The following MORC3 variants were observed in gnomAD, a reference collection of about 807,000 sequenced individuals.
The protein encoded by MORC3 is MORC family CW-type zinc finger 3, also known as MORC family CW-type zinc finger protein 3.
In MORC3, 31 loss-of-function variants were observed where a neutral mutation model predicts 109.1. The ratio of observed to expected loss-of-function variants is 0.28; its 90% CI spans 0.21 to 0.38. The LOEUF is 0.38. MORC3 is among the 10% of genes least tolerant of loss of function. The probability of loss-of-function intolerance (pLI) is 1.00; values close to 1 mark genes in which losing one functional copy is unlikely to be tolerated. For synonymous variants in MORC3, 395 were observed against 380.7 expected, an observed-to-expected ratio of 1.04 and a Z score of -0.44; for missense variants, 867 against 1,135.8, an observed-to-expected ratio of 0.76 and a Z score of 3.40.
intron 2 of MORC3, 96 bp from the exon 3 acceptor site, chr21:36,336,778 A>G: frequency 8.0e-7 from 1 of 1,248,770 alleles, no homozygotes. Flanking sequence ...AGTTGTCTTA[A>G]AACATAGTCT....
intron 14 of MORC3, among the ~76,000 whole-genome samples, chr21:36,365,935 A>G (rs1025568677): frequency 2.0e-5 from 3 of 152,112 alleles, no homozygotes; most frequent in East Asian, 1.9e-4. Context: ...CTGGATTGCT[A>G]CTTTATTAAG....
At chr21:36,323,047 C>T (rs1279012248) in intron 1 of MORC3, among the ~76,000 whole-genome samples, 1 of 152,182 alleles carries the variant, frequency 6.6e-6, no homozygotes, top group Non-Finnish European at 1.5e-5. Flanking sequence ...TTTCTCTGTA[C>T]TGATCATCCA....
At chr21:36,358,598 TA>T (rs1276642850) in intron 10 of MORC3, among the ~76,000 whole-genome samples, 1 of 151,500 alleles carries the variant, frequency 6.6e-6, no homozygotes, top group Non-Finnish European at 1.5e-5. Context: ...CTTAAAAAAA[TA>T]AATAAATAAA....
chr21:36,354,341 T>C (rs1335864869), intron 9 of MORC3, among the ~76,000 whole-genome samples: 1 of 147,970 alleles, frequency 6.8e-6, no homozygotes, highest in African/African-American at 2.5e-5. Context: ...TTTTTTTTTT[T>C]GAGATGGAGT....
chr21:36,323,879 G>GT (rs533635032), intron 1 of MORC3, among the ~76,000 whole-genome samples: 4,077 of 143,664 alleles, frequency 0.028, 72 homozygotes, highest in Admixed American at 0.049. Flanking sequence ...TTACCATAGT[G>GT]TTTTTTTTTT....
chr21:36,320,918 T>C (rs2085186946), intron 1 of MORC3, among the ~76,000 whole-genome samples: 1 of 152,252 alleles, frequency 6.6e-6, no homozygotes, highest in Non-Finnish European at 1.5e-5. Flanking sequence ...TTGGAAACCC[T>C]GTGAACATTT....
chr21:36,333,763 T>A, intron 2 of MORC3, 45 bp downstream of exon 2: 2 of 1,400,654 alleles, frequency 1.4e-6, no homozygotes, highest in Non-Finnish European at 2.0e-6. Context: ...CTTACAATTG[T>A]AGTGTTTTTT....
intron 6 of MORC3, 121 bp from the exon 7 acceptor site, chr21:36,344,458 A>G (rs1166387876): frequency 1.7e-6 from 2 of 1,183,650 alleles, no homozygotes; most frequent in Non-Finnish European, 2.3e-6. Context: ...TTTATAGCCT[A>G]TTTTATTGAA....
chr21:36,363,613 AAAAC>A (rs2085744846), intron 13 of MORC3, among the ~76,000 whole-genome samples: 1 of 152,216 alleles, frequency 6.6e-6, no homozygotes, highest in Admixed American at 6.5e-5. Context: ...CTGAAAGTGA[AAAAC>A]AAAACAAAAA....
At chr21:36,346,855 A>G (rs1436367151) in intron 8 of MORC3, among the ~76,000 whole-genome samples, 1 of 151,726 alleles carries the variant, frequency 6.6e-6, no homozygotes, top group African/African-American at 2.4e-5. Context: ...AATAAAAACA[A>G]ATTAGCCAGG....
intron 10 of MORC3, among the ~76,000 whole-genome samples, chr21:36,358,067 A>C (rs559209226): frequency 1.6e-4 from 24 of 152,076 alleles, no homozygotes; most frequent in African/African-American, 5.8e-4. Context: ...ATAAATATCT[A>C]AATGCTTTTT....
At chr21:36,359,914 C>T (rs1042678423) in intron 10 of MORC3, 41 bp from the exon 11 acceptor site, 3 of 1,609,612 alleles carry the variant, frequency 1.9e-6, no homozygotes, top group African/African-American at 2.7e-5. Context: ...TATTTAGAGT[C>T]CATATTTCTG....
intron 6 of MORC3, 148 bp downstream of exon 6, chr21:36,341,694 G>A: frequency 9.2e-7 from 1 of 1,090,812 alleles, no homozygotes; most frequent in Non-Finnish European, 1.3e-6. Flanking sequence ...GGCCCACTCA[G>A]CCTGGGCAAC....
intron 2 of MORC3, 41 bp downstream of exon 2, chr21:36,333,759 A>G (rs2085340528): frequency 4.4e-6 from 6 of 1,357,934 alleles, no homozygotes; most frequent in Admixed American, 4.3e-5. Context: ...GTTGCTTACA[A>G]TTGTAGTGTT....
chr21:36,356,598 A>G lies in MORC3; in HGVS notation c.1104-22A>G, dbSNP rs201074099. ...TATGTTTGAAAAGAATTTTTTCTTG[A>G]TTTTATGATTTACTTTTTAAGACTT... On this transcript the variant is annotated intron_variant, in intron 9 of 16. Coordinates refer to ENST00000400485, the MANE Select transcript of MORC3 (RefSeq NM_015358.3). The G allele has an allele frequency of 1.1e-3, 1,678 of 1,525,398 alleles. 7 individuals carry two copies. The highest frequency in any genetic ancestry group is 1.1e-3 in the Admixed American group (56 of 51,000). The allele number at this position is 1,525,398 out of a possible 1,614,324, so 94.5% of individuals were successfully genotyped here. A position where few individuals can be genotyped will look rare whatever the true frequency, so the allele number is the denominator to read the frequency against.
At chr21:36,333,467 C>T (rs927201850) in intron 1 of MORC3, 179 bp from the exon 2 acceptor site, 32 of 595,280 alleles carry the variant, frequency 5.4e-5, no homozygotes, top group Non-Finnish European at 8.9e-5. Context: ...AGTTGGTTCC[C>T]AGTGTTATCT....
rs2085919270 is a variant in MORC3 at position 36,375,416 on chromosome 21, T to A, written c.*120T>A. On this transcript the variant is annotated 3_prime_UTR_variant, in exon 17 of 17. Transcript: ENST00000400485. ...ACAGACTGAAAACCATAATCTTTAC[T>A]GTATTCTATGCATTCAAATGTGGTC... 1 of 860,774 alleles carries A rather than the reference T, an allele frequency of 1.2e-6. No homozygotes were observed. The highest frequency in any genetic ancestry group is 1.7e-5 in the African/African-American group (1 of 58,380). The allele number at this position is 860,774 out of a possible 1,614,324, so 53.3% of individuals were successfully genotyped here.
At chr21:36,347,961 C>G (rs1297340984) in intron 8 of MORC3, 1 of 152,120 alleles carries the variant, frequency 6.6e-6, no homozygotes, top group East Asian at 1.9e-4. Context: ...TAAAAATAGT[C>G]TGAAATGGTG....
chr21:36,331,269 T>C (rs1310754614), intron 1 of MORC3, among the ~76,000 whole-genome samples: 1 of 152,220 alleles, frequency 6.6e-6, no homozygotes, highest in Non-Finnish European at 1.5e-5. Context: ...ATTCTCTGCA[T>C]ACTGAAATTT....
Sources: allele counts gnomAD v4.1 joint callset (sites outside exome capture counted in the v4.1 genomes callset), GRCh38; gene constraint gnomAD v4.1.1; transcripts MANE v1.5; gene names NCBI Gene and HGNC (gene_info 2026-07-23, HGNC 2026-07-21).